Variants in TEK observed in about 807,000 individuals in gnomAD.
TEK encodes the protein TEK receptor tyrosine kinase.
Under a neutral mutation model 131.8 loss-of-function variants are expected in TEK, and 43 were observed. That is an observed-to-expected ratio of 0.33 (90% CI 0.26 to 0.42). The LOEUF is 0.42. Among genes scored for constraint, TEK ranks in the 10% least tolerant of loss-of-function variants. The pLI, the probability that TEK is intolerant of heterozygous loss-of-function variation, is 1.00. For missense variants in TEK, 1,162 were observed against 1,384.4 expected (o/e 0.84, Z 2.55); for synonymous variants, 580 against 491.6 (o/e 1.18, Z -2.38).
intron 19 of TEK, among the ~76,000 whole-genome samples, chr9:27,218,040 A>C (rs1825884940): frequency 6.6e-6 from 1 of 150,852 alleles, no homozygotes; most frequent in South Asian, 2.1e-4. Context: ...GGAAGAAGGG[A>C]CATACCGGCC....
chr9:27,157,339 T>C (rs555079474), intron 1 of TEK, among the ~76,000 whole-genome samples: 7 of 152,324 alleles, frequency 4.6e-5, no homozygotes, highest in African/African-American at 1.7e-4. Context: ...CTGTCACTTA[T>C]CTTGAGGTAT....
At chr9:27,197,744 C>T (rs1019675681) in intron 12 of TEK, 145 bp downstream of exon 12, 2 of 1,025,948 alleles carry the variant, frequency 1.9e-6, no homozygotes, top group Admixed American at 2.0e-5. Flanking sequence ...CCCACCTAAT[C>T]ATTTTAATAA....
chr9:27,186,906 A>G lies in TEK; in HGVS notation c.1327+1277A>G, dbSNP rs186150605. Among the ~76,000 whole-genome samples, 27 of 152,334 alleles carry G rather than the reference A, an allele frequency of 1.8e-4. No homozygotes were observed. The East Asian group carries it at 5.2e-3, about 29-fold the overall frequency. On this transcript the variant is annotated intron_variant, in intron 9 of 22. Transcript: ENST00000380036. ...TGGATTCTGTGCCCTGAGAATCCAT[A>G]TGAACCACCTCAGAATCCTCCTTCT...
chr9:27,214,034 A>G (rs1050608795), intron 18 of TEK, among the ~76,000 whole-genome samples: 1 of 152,248 alleles, frequency 6.6e-6, no homozygotes, highest in African/African-American at 2.4e-5. Context: ...AGAGAAATTC[A>G]TAACTTCTAC....
intron 2 of TEK, among the ~76,000 whole-genome samples, chr9:27,168,206 C>A (rs747907636): frequency 2.6e-5 from 4 of 152,190 alleles, no homozygotes; most frequent in Non-Finnish European, 5.9e-5. Flanking sequence ...CTAATCAACA[C>A]AAAGTCCTCA....
At position 27,109,294 on chromosome 9, in the gene TEK, G is replaced by A. The variant is rs2131017506; in HGVS notation, c.-297G>A. 5 of 542,116 alleles carry A rather than the reference G, an allele frequency of 9.2e-6. No homozygotes were observed. Among genetic ancestry groups the A allele is most frequent in the Non-Finnish European group, 1.3e-5 (4 of 310,062 alleles). 33.6% of individuals were successfully genotyped at this position (542,116 alleles called of 1,614,324 possible). On this transcript the variant is annotated 5_prime_UTR_variant, in exon 1 of 23. Transcript: ENST00000380036. ...CAACAGATAAGTGTTTTGATGAATT[G>A]CGAGATGGATAGGGCTTGAGTGCCC... is the stretch of plus-strand genomic sequence containing the variant.
At chr9:27,217,468 C>G (rs1329993296) in intron 18 of TEK, among the ~76,000 whole-genome samples, 1 of 152,218 alleles carries the variant, frequency 6.6e-6, no homozygotes, top group African/African-American at 2.4e-5. Flanking sequence ...CACACTCACA[C>G]TTCCATTCAT....
chr9:27,199,294 AG>A (rs2131200583), intron 12 of TEK, among the ~76,000 whole-genome samples: 1 of 152,286 alleles, frequency 6.6e-6, no homozygotes, highest in East Asian at 1.9e-4. Context: ...AGGGAGATGT[AG>A]GTTTTTTCAT....
chr9:27,193,940 G>C (rs1824918204), intron 11 of TEK, among the ~76,000 whole-genome samples: 1 of 152,126 alleles, frequency 6.6e-6, no homozygotes, highest in Admixed American at 6.6e-5. Flanking sequence ...CTGAGTAGCT[G>C]GGACTACAGG....
chr9:27,225,216 C>T (rs528029250), intron 21 of TEK, among the ~76,000 whole-genome samples: 220 of 152,296 alleles, frequency 1.4e-3, no homozygotes, highest in African/African-American at 5.0e-3. Context: ...CATTGACTTT[C>T]TTCACAGAAT....
intron 12 of TEK, among the ~76,000 whole-genome samples, chr9:27,202,014 C>T (rs1825231227): frequency 5.3e-5 from 8 of 152,218 alleles, no homozygotes; most frequent in Admixed American, 5.2e-4. Context: ...CGAATCCATT[C>T]TTTTCCTGGA....
intron 18 of TEK, 113 bp from the exon 19 acceptor site, chr9:27,217,575 C>G (rs976347445): frequency 6.8e-6 from 6 of 885,316 alleles, no homozygotes; most frequent in Non-Finnish European, 1.1e-5. Flanking sequence ...ATACACAAAG[C>G]AATGATTTCT....
chr9:27,172,790 C>T (rs759884204), intron 5 of TEK, 43 bp downstream of exon 5: 4 of 1,610,174 alleles, frequency 2.5e-6, no homozygotes, highest in East Asian at 2.2e-5. Context: ...ATTTAAAAAG[C>T]CATCGTTGCT....
intron 19 of TEK, 107 bp from the exon 20 acceptor site, chr9:27,218,670 A>T: frequency 8.7e-7 from 1 of 1,148,854 alleles, no homozygotes; most frequent in Non-Finnish European, 1.3e-6. Context: ...GTAGACATTT[A>T]ACATCTCCTT....
intron 21 of TEK, 72 bp from the exon 22 acceptor site, chr9:27,228,134 C>T: frequency 3.8e-6 from 5 of 1,317,538 alleles, no homozygotes; most frequent in Non-Finnish European, 5.4e-6. Context: ...TCATTCTCTC[C>T]TCTCTTTTCC....
At chr9:27,179,449 T>A (rs1169404844) in intron 6 of TEK, among the ~76,000 whole-genome samples, 1 of 152,226 alleles carries the variant, frequency 6.6e-6, no homozygotes, top group Non-Finnish European at 1.5e-5. Flanking sequence ...TGGTCTCTAT[T>A]TATTTTCTTT....
chr9:27,157,747 G>A, intron 1 of TEK, 84 bp from the exon 2 acceptor site: 1 of 1,466,770 alleles, frequency 6.8e-7, no homozygotes. Flanking sequence ...ACAACTTTAA[G>A]ACAAGGCTTT....
chr9:27,210,840 CG>C (rs1404526365), intron 16 of TEK, among the ~76,000 whole-genome samples: 1 of 152,094 alleles, frequency 6.6e-6, no homozygotes, highest in East Asian at 1.9e-4. Context: ...TAAGATAGGC[CG>C]GGCGTGGTGG....
Position 27,183,478 on chromosome 9 carries a change from A to G in TEK, c.1050A>G (p.Pro350=). The G allele has an allele frequency of 6.2e-7, 1 of 1,613,894 alleles. No individual in the cohort carries two copies. Among genetic ancestry groups the G allele is most frequent in the Non-Finnish European group, 8.5e-7 (1 of 1,179,816 alleles). ...CTTCAGGCATACAGAGGATGACCCCAAAGATAGTGGATTTGCCAGATCATA... is the reference window on the plus strand; with the variant it reads ...CTTCAGGCATACAGAGGATGACCCCGAAGATAGTGGATTTGCCAGATCATA... The part of the protein sequence containing the change: ...CEREGIQRMT[P]KIVDLPDHIE... Residue 350 remains proline, a synonymous_variant, in exon 8 of 23, where the codon CCA becomes CCG. Transcript: ENST00000380036.
Sources: gnomAD v4.1 joint callset for allele counts (sites outside exome capture counted in the v4.1 genomes callset) on GRCh38, gnomAD v4.1.1 for gene constraint, MANE v1.5 for transcripts, NCBI Gene and HGNC (gene_info 2026-07-23, HGNC 2026-07-21) for gene names.